Variants in MCTP2 observed in about 807,000 individuals in gnomAD.
The protein encoded by MCTP2 is multiple C2 and transmembrane domain-containing protein 2.
In MCTP2, 132 loss-of-function variants were observed where a neutral mutation model predicts 111.6. That is an observed-to-expected ratio of 1.18 (90% CI 1.03 to 1.37). The LOEUF is 1.37. Ranked by LOEUF, MCTP2 falls within the 40% of genes most tolerant of loss-of-function variation. The pLI is 0.00. For synonymous variants in MCTP2, 395 were observed against 387.7 expected, an observed-to-expected ratio of 1.02 and a Z score of -0.22; for missense variants, 1,183 against 1,067.9, an observed-to-expected ratio of 1.11 and a Z score of -1.50.
chr15:94,247,136 G>GGTGTGTGCGT, intron 1 of MCTP2, among the ~76,000 whole-genome samples: 1 of 152,058 alleles, frequency 6.6e-6, no homozygotes, highest in Non-Finnish European at 1.5e-5. Flanking sequence ...GGGCTTAGGA[G>GGTGTGTGCGT]GTGTGTGCGT....
chr15:94,291,524 C>T (rs1007501640), intron 1 of MCTP2, among the ~76,000 whole-genome samples: 5 of 151,704 alleles, frequency 3.3e-5, no homozygotes, highest in Non-Finnish European at 5.9e-5. Context: ...TTGCTTGAAC[C>T]GGGGAGGTGG....
chr15:94,377,310 CG>C (rs2079831955), intron 12 of MCTP2, among the ~76,000 whole-genome samples: 1 of 152,168 alleles, frequency 6.6e-6, no homozygotes. Flanking sequence ...CGTGATTGAA[CG>C]TTTTTAATTT....
At chr15:94,306,411 C>A (rs937183237) in intron 2 of MCTP2, among the ~76,000 whole-genome samples, 5 of 152,106 alleles carry the variant, frequency 3.3e-5, no homozygotes, top group African/African-American at 1.2e-4. Flanking sequence ...TAATGTCATC[C>A]AGCTAGTAAG....
intron 21 of MCTP2, among the ~76,000 whole-genome samples, chr15:94,470,643 C>G (rs1205191621): frequency 2.6e-5 from 4 of 152,200 alleles, no homozygotes; most frequent in Non-Finnish European, 5.9e-5. Context: ...TATTTATAGG[C>G]CTCTTGCATA....
chr15:94,442,167 G>A (rs1246481372), intron 18 of MCTP2, among the ~76,000 whole-genome samples: 1 of 152,206 alleles, frequency 6.6e-6, no homozygotes, highest in Non-Finnish European at 1.5e-5. Context: ...AGACCGTGTT[G>A]TCTAACACTG....
Position 94,357,561 on chromosome 15 carries a change from T to TTG in MCTP2, c.1171-920_1171-919insGT, listed in dbSNP as rs1555458476. Among the ~76,000 whole-genome samples the TTG allele has an allele frequency of 2.5e-3, 368 of 150,188 alleles. 3 individuals are homozygous for TTG. Among genetic ancestry groups the TTG allele is most frequent in the African/African-American group, 8.6e-3 (348 of 40,506 alleles). ...GGGCTTTTCTTGTTTTTTTTTTTGT[T>TTG]TTTGTTTTTTTCCCAACCTGGTTTC... On this transcript the variant is annotated intron_variant, in intron 9 of 22. Transcript: ENST00000357742.
chr15:94,452,086 A>G lies in MCTP2; in HGVS notation c.2251-6051A>G, dbSNP rs144467718. On this transcript the variant is annotated intron_variant, in intron 19 of 22. Transcript: ENST00000357742. ...GATCACCAAGCTAGTAGATGTCAGG[A>G]CCAGAGTTGAACCCCATTCTCTGAC... 1.5e-3 allele frequency among the ~76,000 whole-genome samples: 230 copies of G among 152,320 alleles called. 1 individual carries two copies. Among genetic ancestry groups the G allele is most frequent in the African/African-American group, 5.3e-3 (222 of 41,576 alleles).
At chr15:94,255,756 C>T (rs1317688044) in intron 1 of MCTP2, among the ~76,000 whole-genome samples, 4 of 152,056 alleles carry the variant, frequency 2.6e-5, no homozygotes, top group Admixed American at 2.0e-4. Context: ...AATTGAGTAT[C>T]CTAGTGATCT....
chr15:94,457,038 A>G (rs2084877924), intron 19 of MCTP2, among the ~76,000 whole-genome samples: 1 of 152,234 alleles, frequency 6.6e-6, no homozygotes, highest in African/African-American at 2.4e-5. Flanking sequence ...CACAGATGGT[A>G]TTACAGGAAT....
chr15:94,356,726 G>T (rs142308250), intron 9 of MCTP2, among the ~76,000 whole-genome samples: 331 of 152,126 alleles, frequency 2.2e-3, no homozygotes, highest in African/African-American at 7.8e-3. Flanking sequence ...TAGTCTTCAC[G>T]CCAAAAATAG....
chr15:94,449,876 T>G (rs1335253926), intron 19 of MCTP2, among the ~76,000 whole-genome samples: 1 of 152,210 alleles, frequency 6.6e-6, no homozygotes, highest in East Asian at 1.9e-4. Flanking sequence ...TAGTTACAGT[T>G]ATAGAAAACC....
rs534609623 is a variant in MCTP2, at chr15:94,358,580, G to A, written c.1269G>A (p.Lys423=). ...MGILDIEVWG[K]DNKKHEERLG... is the part of the protein sequence containing the mutation. ...TTTTGGACATTGAAGTGTGGGGAAA[G>A]GACAACAAAAAGCATGAGGAACGTC... Residue 423 remains lysine (K), a synonymous_variant, in exon 10 of 23, where the codon AAG becomes AAA. Transcript: ENST00000357742. 7 of 1,613,812 alleles carry A rather than the reference G, an allele frequency of 4.3e-6. No individual in the cohort carries two copies. Among genetic ancestry groups the A allele is most frequent in the Middle Eastern group, 1.7e-4 (1 of 6,058 alleles).
intron 2 of MCTP2, among the ~76,000 whole-genome samples, chr15:94,300,660 C>A (rs1357001937): frequency 6.6e-6 from 1 of 152,034 alleles, no homozygotes; most frequent in Non-Finnish European, 1.5e-5. Context: ...TTTGGGAGAT[C>A]TTACAAGCAG....
At chr15:94,468,583 CATAT>C (rs1006271048) in intron 20 of MCTP2, among the ~76,000 whole-genome samples, 2 of 151,934 alleles carry the variant, frequency 1.3e-5, no homozygotes, top group African/African-American at 4.8e-5. Flanking sequence ...TTGAAAAAGA[CATAT>C]ATATATAATA....
intron 19 of MCTP2, among the ~76,000 whole-genome samples, chr15:94,446,246 C>G (rs531603029): frequency 6.6e-6 from 1 of 152,272 alleles, no homozygotes; most frequent in South Asian, 2.1e-4. Context: ...ACAAGCTAAA[C>G]TTTGAAGAGA....
At chr15:94,429,120 T>A (rs2083034385) in intron 17 of MCTP2, among the ~76,000 whole-genome samples, 1 of 149,740 alleles carries the variant, frequency 6.7e-6, no homozygotes, top group South Asian at 2.2e-4. Flanking sequence ...CTACCCCCTC[T>A]ATATCTATCC....
intron 17 of MCTP2, among the ~76,000 whole-genome samples, chr15:94,418,495 A>G (rs1457228427): frequency 6.6e-6 from 1 of 152,308 alleles, no homozygotes; most frequent in East Asian, 1.9e-4. Flanking sequence ...GCAAAGACGT[A>G]TAATGAGAAA....
At chr15:94,448,253 G>A (rs992560231) in intron 19 of MCTP2, among the ~76,000 whole-genome samples, 5 of 152,146 alleles carry the variant, frequency 3.3e-5, no homozygotes, top group Non-Finnish European at 5.9e-5. Context: ...CTTATTCAGA[G>A]CATCCTGCTT....
At chr15:94,306,143 G>T (rs1488070716) in intron 2 of MCTP2, among the ~76,000 whole-genome samples, 1 of 152,148 alleles carries the variant, frequency 6.6e-6, no homozygotes, top group Admixed American at 6.5e-5. Flanking sequence ...TCTGAGCAGG[G>T]TGGTCAGGAA....
Sources: gnomAD v4.1 joint callset for allele counts (sites outside exome capture counted in the v4.1 genomes callset) on GRCh38, gnomAD v4.1.1 for gene constraint, MANE v1.5 for transcripts, NCBI Gene and HGNC (gene_info 2026-07-23, HGNC 2026-07-21) for gene names.